DLG2: variants seen among roughly 807,000 people sequenced by gnomAD.
DLG2 encodes discs large MAGUK scaffold protein 2.
In DLG2, 45 loss-of-function variants were observed where a neutral mutation model predicts 132.5. That is an observed-to-expected ratio of 0.34 (90% CI 0.27 to 0.44). DLG2 has a LOEUF of 0.44. Among genes scored for constraint, DLG2 ranks in the 20% least tolerant of loss-of-function variants. DLG2 has a pLI of 1.00. For synonymous variants in DLG2, 424 were observed against 419.6 expected, an observed-to-expected ratio of 1.01 and a Z score of -0.13; for missense variants, 1,045 against 1,196.9, an observed-to-expected ratio of 0.87 and a Z score of 1.87.
intron 6 of DLG2, among the ~76,000 whole-genome samples, chr11:84,730,028 G>A (rs2062970481): frequency 2.0e-5 from 3 of 151,946 alleles, no homozygotes; most frequent in Admixed American, 2.0e-4. Flanking sequence ...TTTCAGCCTT[G>A]TTTCCATTTT....
At chr11:84,955,235 A>C (rs1362439066) in intron 6 of DLG2, 2 of 152,188 alleles carry the variant, frequency 1.3e-5, no homozygotes, top group Non-Finnish European at 2.9e-5. Flanking sequence ...AAAAGCTCTA[A>C]GTTTTTATTC....
intron 19 of DLG2, among the ~76,000 whole-genome samples, chr11:83,610,573 C>T (rs2059972250): frequency 6.6e-6 from 1 of 152,036 alleles, no homozygotes; most frequent in Non-Finnish European, 1.5e-5. Context: ...CTGTGGTAAC[C>T]ATAATGGAGG....
At chr11:84,443,662 A>C (rs2154478631) in intron 7 of DLG2, among the ~76,000 whole-genome samples, 1 of 152,282 alleles carries the variant, frequency 6.6e-6, no homozygotes, top group East Asian at 1.9e-4. Flanking sequence ...GTGAGACTTA[A>C]GATGTTTTCA....
intron 3 of DLG2, among the ~76,000 whole-genome samples, chr11:85,457,262 T>C (rs2092453771): frequency 6.6e-6 from 1 of 152,026 alleles, no homozygotes; most frequent in Admixed American, 6.6e-5. Context: ...TGCTTTTCCA[T>C]TTGCTTGGTA....
rs148377329 is a variant in DLG2 at position 84,816,097 on chromosome 11, G to A, written c.358-281366C>T. On this transcript the variant is annotated intron_variant, in intron 6 of 27. Coordinates refer to ENST00000376104, the MANE Select transcript of DLG2 (RefSeq NM_001142699.3). ...TCTCAAAAGCTCTGCATCATAGAGT[G>A]GCACCAGGGGGTTGCTGGCTCATTT... is the stretch of plus-strand genomic sequence containing the variant. 1.8e-4 allele frequency among the ~76,000 whole-genome samples: 27 copies of A among 152,138 alleles called. No homozygotes were observed. The East Asian group carries it at 4.5e-3, about 25-fold the overall frequency.
In DLG2 at chr11:85,009,708, G is replaced by T. The variant is rs867653592; in HGVS notation, c.357+101953C>A. Among the ~76,000 whole-genome samples, 12 of 152,108 alleles carry T rather than the reference G, an allele frequency of 7.9e-5. No homozygotes were observed. In the South Asian group the frequency reaches 2.5e-3, roughly 32 times the overall value. On this transcript the variant is annotated intron_variant, in intron 6 of 27. Transcript: ENST00000376104. ...TCAATTCCAGTTATACAAACGCCAAGAAGCTTATTTTAAACGCAAAACCCA... is the reference window on the plus strand; with the variant it reads ...TCAATTCCAGTTATACAAACGCCAATAAGCTTATTTTAAACGCAAAACCCA...
intron 18 of DLG2, chr11:83,720,686 G>T (rs940851584): frequency 3.4e-5 from 5 of 149,000 alleles, no homozygotes; most frequent in African/African-American, 1.2e-4. Context: ...ACATTGAAAT[G>T]AAAGAGTAAG....
At chr11:85,615,941 A>C (rs956800911) in intron 2 of DLG2, among the ~76,000 whole-genome samples, 12 of 151,528 alleles carry the variant, frequency 7.9e-5, no homozygotes, top group African/African-American at 2.9e-4. Context: ...TCAGATGATA[A>C]GCTTTTGTAC....
intron 9 of DLG2, among the ~76,000 whole-genome samples, chr11:84,148,936 C>T (rs191688239): frequency 5.2e-4 from 79 of 152,134 alleles, no homozygotes; most frequent in African/African-American, 1.7e-3. Flanking sequence ...TGGTATCTCA[C>T]TGTGGTTTTG....
intron 19 of DLG2, among the ~76,000 whole-genome samples, chr11:83,619,114 CCT>C (rs2061274780): frequency 6.6e-6 from 1 of 152,138 alleles, no homozygotes; most frequent in Non-Finnish European, 1.5e-5. Context: ...ATCGTCTTAT[CCT>C]CTGTGTAGCA....
chr11:83,823,513 C>T (rs61900029), intron 17 of DLG2, among the ~76,000 whole-genome samples: 18 of 152,164 alleles, frequency 1.2e-4, no homozygotes, highest in Non-Finnish European at 2.2e-4. Flanking sequence ...ATTCCATTGG[C>T]CAGAAATCTA....
At chr11:84,335,160 CA>C (rs58944265) in intron 7 of DLG2, among the ~76,000 whole-genome samples, 4,712 of 62,612 alleles carry the variant, frequency 0.075, 150 homozygotes, top group African/African-American at 0.19. Flanking sequence ...ATAAAGAAAG[CA>C]AAAAAAAAAA....
At chr11:84,995,357 A>G (rs2057530843) in intron 6 of DLG2, among the ~76,000 whole-genome samples, 1 of 152,148 alleles carries the variant, frequency 6.6e-6, no homozygotes, top group Non-Finnish European at 1.5e-5. Context: ...GATCTTGGAG[A>G]AGTCACTTCA....
intron 17 of DLG2, 60 bp from the exon 18 acceptor site, chr11:83,786,852 G>GA (rs1449741901): frequency 6.6e-7 from 1 of 1,518,984 alleles, no homozygotes; most frequent in African/African-American, 1.4e-5. Flanking sequence ...CCTGATAGAA[G>GA]AAAAAAGTTT....
At chr11:84,003,396 A>C (rs918304933) in intron 11 of DLG2, among the ~76,000 whole-genome samples, 1 of 152,136 alleles carries the variant, frequency 6.6e-6, no homozygotes, top group Non-Finnish European at 1.5e-5. Context: ...ATTTTCCTGT[A>C]TTAGTCCATT....
At chr11:84,632,429 AGT>A (rs1222851465) in intron 6 of DLG2, among the ~76,000 whole-genome samples, 1 of 152,220 alleles carries the variant, frequency 6.6e-6, no homozygotes, top group Non-Finnish European at 1.5e-5. Flanking sequence ...TTTTAAGGTC[AGT>A]TGACCCAGAA....
intron 6 of DLG2, among the ~76,000 whole-genome samples, chr11:84,900,318 G>A (rs12295785): frequency 0.096 from 14,648 of 152,016 alleles, 928 homozygotes; most frequent in African/African-American, 0.18. Flanking sequence ...TCTATTCTTA[G>A]CAAATTAATT....
At chr11:84,367,203 C>G (rs928771188) in intron 7 of DLG2, among the ~76,000 whole-genome samples, 1 of 152,140 alleles carries the variant, frequency 6.6e-6, no homozygotes, top group Non-Finnish European at 1.5e-5. Flanking sequence ...ACAACCTGCT[C>G]AAATAATCTT....
At chr11:84,771,138 C>T (rs61899052) in intron 6 of DLG2, among the ~76,000 whole-genome samples, 20,379 of 152,052 alleles carry the variant, frequency 0.13, 1,600 homozygotes, top group African/African-American at 0.22. Context: ...TACACTCAGT[C>T]GTGGGATTGC....
Sources: gnomAD v4.1 joint callset for allele counts (sites outside exome capture counted in the v4.1 genomes callset) on GRCh38, gnomAD v4.1.1 for gene constraint, MANE v1.5 for transcripts, NCBI Gene and HGNC (gene_info 2026-07-23, HGNC 2026-07-21) for gene names.